Variants in TRIM40 observed in about 807,000 individuals in gnomAD.
The protein encoded by TRIM40 is E3 ubiquitin ligase TRIM40.
In TRIM40, 27 loss-of-function variants were observed where a neutral mutation model predicts 26.1. That is an observed-to-expected ratio of 1.04 (90% confidence interval 0.76 to 1.43). TRIM40 has a LOEUF of 1.43. Among genes scored for constraint, TRIM40 ranks in the 40% most tolerant of loss-of-function variants. The pLI, the probability that TRIM40 is intolerant of heterozygous loss-of-function variation, is 0.00. For missense variants in TRIM40, 289 were observed against 307.9 expected, an observed-to-expected ratio of 0.94 and a Z score of 0.46; for synonymous variants, 114 against 120.0, an observed-to-expected ratio of 0.95 and a Z score of 0.33.
rs1562101679 is a variant in TRIM40 at position 30,147,820 on chromosome 6, A to T, written c.*8A>T. On this transcript the variant is annotated 3_prime_UTR_variant, in exon 6 of 6. Coordinates refer to ENST00000396581, the MANE Select transcript of TRIM40 (RefSeq NM_001286633.2). Reference sequence around the variant, plus strand: ...CCCCCTCAGAAGCTCTGACCTGTTCATCCCTGGGACACCTCACTTCAGGCT... The same window carrying T: ...CCCCCTCAGAAGCTCTGACCTGTTCTTCCCTGGGACACCTCACTTCAGGCT... 1.2e-6 allele frequency: 2 copies of T among 1,613,482 alleles called. No individual in the cohort carries two copies. Among genetic ancestry groups the T allele is most frequent in the East Asian group, 2.2e-5 (1 of 44,884 alleles).
Position 30,136,911 on chromosome 6 carries a change from T to A in TRIM40, c.-126T>A. 1.1e-6 allele frequency: 1 copy of A among 897,244 alleles called. No individual in the cohort carries two copies. Among genetic ancestry groups the A allele is most frequent in the Non-Finnish European group, 1.7e-6 (1 of 600,764 alleles). 55.6% of individuals were successfully genotyped at this position (897,244 alleles called of 1,614,324 possible). A position where few individuals can be genotyped will look rare whatever the true frequency, so the allele number is the denominator to read the frequency against. ...TGGAGGCTGTGTCCTGTCCCCAGGC[T>A]GCTCCAGGGCTGCCTCCTTCCGACT... On this transcript the variant is annotated 5_prime_UTR_variant, in exon 2 of 6. Coordinates refer to ENST00000396581, the MANE Select transcript of TRIM40 (RefSeq NM_001286633.2).
In TRIM40 at chr6:30,147,783, T is replaced by C; in HGVS notation, c.748T>C (p.Leu250=). The C allele has an allele frequency of 6.2e-7, 1 of 1,614,224 alleles. No homozygotes were observed. Among genetic ancestry groups the C allele is most frequent in the East Asian group, 2.2e-5 (1 of 44,888 alleles). Residue 250 remains leucine, a synonymous_variant, in exon 6 of 6, where the codon TTG becomes CTG. Coordinates refer to ENST00000396581, the MANE Select transcript of TRIM40 (RefSeq NM_001286633.2). ...YPQLEKGVSE[L]LLQPPQKL ...CCAGTTGGAGAAAGGAGTCAGTGAA[T>C]TGCTTCTTCAGCCCCCTCAGAAGCT...
intron 4 of TRIM40, 108 bp downstream of exon 4, chr6:30,147,317 G>A (rs1252147898): frequency 1.4e-6 from 2 of 1,398,040 alleles, no homozygotes; most frequent in Non-Finnish European, 2.0e-6. Flanking sequence ...TGTGTGATAT[G>A]TGGTGACTTG....
chr6:30,138,577 C>A (rs568456503), intron 2 of TRIM40, among the ~76,000 whole-genome samples: 2 of 152,092 alleles, frequency 1.3e-5, no homozygotes, highest in Non-Finnish European at 2.9e-5. Context: ...AGATTTTATC[C>A]TTACCATATA....
chr6:30,147,313 A>G, intron 4 of TRIM40, 104 bp downstream of exon 4: 1 of 1,433,822 alleles, frequency 7.0e-7, no homozygotes, highest in South Asian at 1.2e-5. Flanking sequence ...GGCCTGTGTG[A>G]TATGTGGTGA....
chr6:30,143,103 G>A (rs9261495), intron 2 of TRIM40, among the ~76,000 whole-genome samples: 25,826 of 151,740 alleles, frequency 0.17, 2,850 homozygotes, highest in East Asian at 0.24. Context: ...ACTTTTGGGG[G>A]TTTAGTTAGT....
intron 2 of TRIM40, among the ~76,000 whole-genome samples, chr6:30,138,781 T>C (rs1771165584): frequency 6.6e-6 from 1 of 152,244 alleles, no homozygotes; most frequent in South Asian, 2.1e-4. Flanking sequence ...TATCCAATAG[T>C]GAAGGCTGAA....
intron 2 of TRIM40, among the ~76,000 whole-genome samples, chr6:30,140,432 A>G (rs1431346767): frequency 6.6e-6 from 1 of 152,222 alleles, no homozygotes; most frequent in Non-Finnish European, 1.5e-5. Context: ...GACGTGGATG[A>G]AGATGGAAAC....
intron 2 of TRIM40, 46 bp from the exon 3 acceptor site, chr6:30,145,948 C>A (rs1771615996): frequency 2.7e-6 from 4 of 1,502,980 alleles, no homozygotes; most frequent in Non-Finnish European, 2.8e-6. Context: ...CCAGTGGGTG[C>A]CCCCCTCACT....
At chr6:30,139,470 G>A (rs1412854919) in intron 2 of TRIM40, among the ~76,000 whole-genome samples, 2 of 151,228 alleles carry the variant, frequency 1.3e-5, no homozygotes, top group African/African-American at 2.4e-5. Flanking sequence ...AGCCTCCCGA[G>A]TAGCTGGGAT....
chr6:30,142,851 G>A (rs1224066074), intron 2 of TRIM40, among the ~76,000 whole-genome samples: 3 of 151,436 alleles, frequency 2.0e-5, no homozygotes. Context: ...TTCTCATGAT[G>A]GGCTGTTTTT....
rs1444036166 is a variant in TRIM40, at chr6:30,143,408, C to T, written c.346-2586C>T. 1.6e-4 allele frequency among the ~76,000 whole-genome samples: 23 copies of T among 145,478 alleles called. 2 individuals carry two copies. Among genetic ancestry groups the T allele is most frequent in the Admixed American group, 1.5e-3 (22 of 14,498 alleles). ...TGGACACAGTTCTGTAAGGAGCATG[C>T]ATTTTGAAAGCTGTTAATTTTTCTT... On this transcript the variant is annotated intron_variant, in intron 2 of 5. Transcript: ENST00000396581.
chr6:30,146,709 C>T (rs968713336), intron 3 of TRIM40, among the ~76,000 whole-genome samples: 6 of 151,906 alleles, frequency 3.9e-5, no homozygotes, highest in Non-Finnish European at 7.4e-5. Context: ...CCGTGCCCGG[C>T]CGCCATAGGC....
intron 2 of TRIM40, among the ~76,000 whole-genome samples, chr6:30,145,195 A>C (rs1771573895): frequency 7.0e-6 from 1 of 141,974 alleles, no homozygotes; most frequent in Non-Finnish European, 1.6e-5. Flanking sequence ...AAATCTCCTC[A>C]AAAAAGATTA....
chr6:30,138,066 T>TACACAC lies in TRIM40; in HGVS notation c.345+704_345+709dup, dbSNP rs9278588. On this transcript the variant is annotated intron_variant, in intron 2 of 5. Transcript: ENST00000396581. ...ATGTGTGTGCTTATGAATGCACTCT[T>TACACAC]ACACACACACACACACACACACACC... Among the ~76,000 whole-genome samples, 18 of 112,506 alleles carry TACACAC rather than the reference T, an allele frequency of 1.6e-4. 1 individual carries two copies. The highest frequency in any genetic ancestry group is 7.4e-4 in the South Asian group (3 of 4,080). The allele number at this position is 112,506 out of a possible 152,430, so 73.8% of individuals were successfully genotyped here.
At chr6:30,141,235 G>T (rs1771325486) in intron 2 of TRIM40, among the ~76,000 whole-genome samples, 1 of 152,246 alleles carries the variant, frequency 6.6e-6, no homozygotes, top group Non-Finnish European at 1.5e-5. Context: ...AGGTTGAGGT[G>T]GGAGGATTGC....
chr6:30,137,102 G>C lies in TRIM40; in HGVS notation c.66G>C (p.Lys22Asn). ...GVCPICQESL[K>N]EAVSTNCGHL... Reference sequence around the variant, plus strand: ...GCCCCATCTGCCAGGAGAGCCTGAAGGAGGCCGTGAGCACCAACTGCGGAC... The same window carrying C: ...GCCCCATCTGCCAGGAGAGCCTGAACGAGGCCGTGAGCACCAACTGCGGAC... The change falls in exon 2 of 6, where the codon AAG (lysine) becomes AAC (asparagine). Residue 22 changes from lysine to asparagine, a missense_variant. By Grantham distance (94) the Lys-to-Asn change is moderately conservative. Coordinates refer to ENST00000396581, the MANE Select transcript of TRIM40 (RefSeq NM_001286633.2). The C allele has an allele frequency of 6.2e-7, 1 of 1,613,096 alleles. No individual in the cohort carries two copies. Among genetic ancestry groups the C allele is most frequent in the Non-Finnish European group, 8.5e-7 (1 of 1,180,044 alleles).
intron 2 of TRIM40, among the ~76,000 whole-genome samples, chr6:30,144,844 G>A (rs949059017): frequency 2.0e-5 from 3 of 152,298 alleles, no homozygotes; most frequent in Middle Eastern, 3.4e-3. Flanking sequence ...ATGAACTCTT[G>A]TGCTCGCACA....
At chr6:30,141,275 G>A (rs532161288) in intron 2 of TRIM40, among the ~76,000 whole-genome samples, 117 of 152,366 alleles carry the variant, frequency 7.7e-4, no homozygotes, top group African/African-American at 1.1e-3. Context: ...GCTGGAGTGA[G>A]CTGTGATTGT....
Sources: gnomAD v4.1 joint callset for allele counts (sites outside exome capture counted in the v4.1 genomes callset) on GRCh38, gnomAD v4.1.1 for gene constraint, MANE v1.5 for transcripts, NCBI Gene and HGNC (gene_info 2026-07-23, HGNC 2026-07-21) for gene names.